Variants in GNAQ observed in about 807,000 individuals in gnomAD.
The protein encoded by GNAQ is G protein subunit alpha q.
In GNAQ, 8 loss-of-function variants were observed where a neutral mutation model predicts 43.9. The ratio of observed to expected loss-of-function variants is 0.18; its 90% CI spans 0.11 to 0.33. The LOEUF (loss-of-function observed/expected upper bound fraction) is 0.33, where lower values mean the gene tolerates loss of function less well. GNAQ is among the 10% of genes least tolerant of loss of function. The probability of loss-of-function intolerance (pLI) is 1.00; values close to 1 mark genes in which losing one functional copy is unlikely to be tolerated. For synonymous variants in GNAQ, 155 were observed against 170.7 expected (o/e 0.91, Z 0.71); for missense variants, 158 against 450.8 (o/e 0.35, Z 5.88).
chr9:77,964,802 G>A (rs1050172980), intron 1 of GNAQ, among the ~76,000 whole-genome samples: 1 of 152,082 alleles, frequency 6.6e-6, no homozygotes, highest in African/African-American at 2.4e-5. Flanking sequence ...GTACTTAGAG[G>A]TAAATAGGTA....
At chr9:77,943,881 G>T (rs1199202775) in intron 1 of GNAQ, among the ~76,000 whole-genome samples, 1 of 151,852 alleles carries the variant, frequency 6.6e-6, no homozygotes, top group African/African-American at 2.4e-5. Context: ...TGGCCAGGCT[G>T]GTCTCCAACT....
chr9:77,835,399 G>A lies in GNAQ; in HGVS notation c.322-19629C>T, dbSNP rs76959877. ...TTATGCAGCTGCTACTAACTCTTCA[G>A]ACTAGAAGGGAGAGGCTAGTGAGGA... On this transcript the variant is annotated intron_variant, in intron 2 of 6. Transcript: ENST00000286548. 4.6e-3 allele frequency among the ~76,000 whole-genome samples: 704 copies of A among 152,106 alleles called. 5 individuals are homozygous for A. The highest frequency in any genetic ancestry group is 0.016 in the African/African-American group (652 of 41,468).
At chr9:77,974,369 A>C (rs989642857) in intron 1 of GNAQ, among the ~76,000 whole-genome samples, 2 of 152,210 alleles carry the variant, frequency 1.3e-5, no homozygotes, top group African/African-American at 4.8e-5. Context: ...TACAGGCTGC[A>C]TGTCCAATCC....
chr9:77,977,162 T>A (rs933170406), intron 1 of GNAQ, among the ~76,000 whole-genome samples: 4 of 152,064 alleles, frequency 2.6e-5, no homozygotes, highest in African/African-American at 9.7e-5. Flanking sequence ...TAAAGGCAAC[T>A]ATTTATAAAG....
intron 1 of GNAQ, among the ~76,000 whole-genome samples, chr9:78,015,782 A>G (rs1014191532): frequency 6.6e-6 from 1 of 152,176 alleles, no homozygotes; most frequent in African/African-American, 2.4e-5. Flanking sequence ...AAAAATAAAA[A>G]TTGTAATTTT....
chr9:77,845,119 G>T (rs535194257), intron 2 of GNAQ, among the ~76,000 whole-genome samples: 2 of 151,930 alleles, frequency 1.3e-5, no homozygotes, highest in Admixed American at 6.6e-5. Flanking sequence ...ACTGTAACTC[G>T]TTGGAAATAT....
chr9:77,880,669 C>A (rs1324537478), intron 2 of GNAQ, among the ~76,000 whole-genome samples: 1 of 151,646 alleles, frequency 6.6e-6, no homozygotes, highest in Admixed American at 6.6e-5. Flanking sequence ...CACCCCACAT[C>A]CCAAATTCTA....
At chr9:77,955,660 G>A (rs1823032447) in intron 1 of GNAQ, among the ~76,000 whole-genome samples, 1 of 152,044 alleles carries the variant, frequency 6.6e-6, no homozygotes, top group Admixed American at 6.6e-5. Context: ...ATCAAAATAG[G>A]TATTTAATTT....
At chr9:77,728,767 T>A in intron 5 of GNAQ, 100 bp from the exon 6 acceptor site, 1 of 791,924 alleles carries the variant, frequency 1.3e-6, no homozygotes, top group Non-Finnish European at 2.1e-6. Context: ...ATCTTTTGTA[T>A]ACGACCAGTT....
intron 1 of GNAQ, among the ~76,000 whole-genome samples, chr9:77,996,171 C>A (rs551186791): frequency 6.6e-6 from 1 of 152,276 alleles, no homozygotes; most frequent in African/African-American, 2.4e-5. Context: ...TCAACATGCA[C>A]CTAAAAATGC....
At chr9:78,005,692 A>C (rs1054642149) in intron 1 of GNAQ, among the ~76,000 whole-genome samples, 1 of 152,150 alleles carries the variant, frequency 6.6e-6, no homozygotes, top group Non-Finnish European at 1.5e-5. Flanking sequence ...GCATGGGTCA[A>C]GGTTGCAGTG....
chr9:77,946,215 T>A (rs1822892246), intron 1 of GNAQ, among the ~76,000 whole-genome samples: 1 of 152,120 alleles, frequency 6.6e-6, no homozygotes, highest in African/African-American at 2.4e-5. Context: ...AAACATTTTG[T>A]GAAGTCTGAT....
At chr9:77,814,398 AC>A (rs1168331237) in intron 3 of GNAQ, among the ~76,000 whole-genome samples, 1 of 152,172 alleles carries the variant, frequency 6.6e-6, no homozygotes, top group Admixed American at 6.5e-5. Flanking sequence ...AAGAAAGCAC[AC>A]ATTTCAGAGG....
In GNAQ at chr9:77,719,246, A is replaced by G. The variant is rs1825272217; in HGVS notation, c.*2077T>C. ...TATTCAAAACGTGAATTAGCTATAG[A>G]CATACAATACAATTACATAGATACA... On this transcript the variant is annotated 3_prime_UTR_variant, in exon 7 of 7. Transcript: ENST00000286548. 4.3e-6 allele frequency: 1 copy of G among 232,342 alleles called. No individual in the cohort carries two copies. The highest frequency in any genetic ancestry group is 5.6e-5 in the Admixed American group (1 of 17,748). 14.4% of individuals were successfully genotyped at this position (232,342 alleles called of 1,614,324 possible). A position where few individuals can be genotyped will look rare whatever the true frequency, so the allele number is the denominator to read the frequency against.
At chr9:77,728,434 T>C (rs1448106278) in intron 6 of GNAQ, 80 bp downstream of exon 6, 7 of 932,626 alleles carry the variant, frequency 7.5e-6, no homozygotes, top group African/African-American at 1.6e-5. Flanking sequence ...TGGTGCACTG[T>C]AGTGCGTTAA....
chr9:77,948,297 G>T (rs963759209), intron 1 of GNAQ, among the ~76,000 whole-genome samples: 4 of 152,214 alleles, frequency 2.6e-5, no homozygotes, highest in African/African-American at 9.6e-5. Flanking sequence ...TTAAACTGAT[G>T]AAGAATTGCA....
intron 2 of GNAQ, among the ~76,000 whole-genome samples, chr9:77,850,664 T>G (rs1827660919): frequency 6.6e-6 from 1 of 152,172 alleles, no homozygotes; most frequent in African/African-American, 2.4e-5. Context: ...CCTTTAATCT[T>G]AGCAGTCACT....
rs117916102 is a variant in GNAQ, at chr9:77,824,166, T to C, written c.322-8396A>G. The stretch of plus-strand genomic sequence containing the variant: ...ACATATTATGTATTTAACTATTTCA[T>C]AGAATTGTTTGTAACATTCTTAAAA... On this transcript the variant is annotated intron_variant, in intron 2 of 6. Coordinates refer to ENST00000286548, the MANE Select transcript of GNAQ (RefSeq NM_002072.5). Among the ~76,000 whole-genome samples the C allele has an allele frequency of 4.4e-3, 673 of 152,340 alleles. 2 individuals are homozygous for C. Among genetic ancestry groups the C allele is most frequent in the Admixed American group, 7.0e-3 (107 of 15,302 alleles).
intron 2 of GNAQ, among the ~76,000 whole-genome samples, chr9:77,841,841 T>C (rs897217706): frequency 2.0e-5 from 3 of 152,190 alleles, no homozygotes; most frequent in African/African-American, 7.2e-5. Context: ...CATAAGTTCT[T>C]AGTAGGGAGG....
Sources: gnomAD v4.1 joint callset for allele counts (sites outside exome capture counted in the v4.1 genomes callset) on GRCh38, gnomAD v4.1.1 for gene constraint, MANE v1.5 for transcripts, NCBI Gene and HGNC (gene_info 2026-07-23, HGNC 2026-07-21) for gene names.